TDRP: variants seen among roughly 807,000 people sequenced by gnomAD.
TDRP encodes the protein testis development related protein.
TDRP carries 12 observed loss-of-function variants against 10.5 expected under a neutral mutation model. That is an observed-to-expected ratio of 1.15 (90% CI 0.73 to 1.86). TDRP has a LOEUF of 1.86. Ranked by LOEUF, TDRP falls within the 40% of genes most tolerant of loss-of-function variation. The pLI is 0.00. For missense variants in TDRP, 353 were observed against 229.2 expected (o/e 1.54, Z -3.49); for synonymous variants, 139 against 95.4 (o/e 1.46, Z -2.67).
intron 1 of TDRP, among the ~76,000 whole-genome samples, chr8:520,318 A>T (rs1209733133): frequency 6.6e-6 from 1 of 152,150 alleles, no homozygotes; most frequent in Admixed American, 6.5e-5. Context: ...TATTCCATTG[A>T]ACATATGTAC....
chr8:500,049 T>G (rs548604603), intron 1 of TDRP, among the ~76,000 whole-genome samples: 9 of 152,208 alleles, frequency 5.9e-5, no homozygotes, highest in Non-Finnish European at 1.2e-4. Flanking sequence ...TAGGATTCAA[T>G]TCAGAGAGAA....
chr8:521,246 C>CAAAAA lies in TDRP; in HGVS notation c.108+23399_108+23403dup, dbSNP rs57263869. ...TCAAACCCCGTCTCTACTAAAAATC[C>CAAAAA]AAAAAAAAAAAAAAAAAAAAAATAG... is the stretch of plus-strand genomic sequence containing the variant. On this transcript the variant is annotated intron_variant, in intron 1 of 2. Coordinates refer to ENST00000324079, the MANE Select transcript of TDRP (RefSeq NM_001384899.1). Among the ~76,000 whole-genome samples the CAAAAA allele has an allele frequency of 3.5e-3, 299 of 84,564 alleles. 18 individuals carry two copies. Among genetic ancestry groups the CAAAAA allele is most frequent in the African/African-American group, 0.013 (277 of 21,264 alleles). The allele number at this position is 84,564 out of a possible 152,430, so 55.5% of individuals were successfully genotyped here. A position where few individuals can be genotyped will look rare whatever the true frequency, so the allele number is the denominator to read the frequency against.
intron 1 of TDRP, among the ~76,000 whole-genome samples, chr8:536,003 C>G (rs543187495): frequency 6.6e-6 from 1 of 152,194 alleles, no homozygotes; most frequent in Non-Finnish European, 1.5e-5. Flanking sequence ...TTTAGACATT[C>G]TAAGTCATGC....
chr8:500,485 T>C (rs574364637), intron 1 of TDRP, among the ~76,000 whole-genome samples: 1 of 152,250 alleles, frequency 6.6e-6, no homozygotes, highest in South Asian at 2.1e-4. Context: ...CTGCCAATCT[T>C]CACCTCCTGT....
intron 1 of TDRP, among the ~76,000 whole-genome samples, chr8:518,828 C>T (rs1430644290): frequency 1.3e-5 from 2 of 151,984 alleles, no homozygotes; most frequent in African/African-American, 2.4e-5. Flanking sequence ...GAAATTCATA[C>T]AAATTTATTA....
At chr8:545,003 C>T, upstream of TDRP, 1 of 307,796 alleles carries the variant, frequency 3.2e-6, no homozygotes, top group Non-Finnish European at 5.9e-6. Context: ...TCCAAGCCCT[C>T]CTCAGGACCA....
intron 1 of TDRP, among the ~76,000 whole-genome samples, chr8:542,932 T>C (rs1205451465): frequency 6.6e-6 from 1 of 151,582 alleles, no homozygotes; most frequent in Non-Finnish European, 1.5e-5. Flanking sequence ...ACGAAGGCAC[T>C]GCCAGCAATT....
intron 1 of TDRP, among the ~76,000 whole-genome samples, chr8:518,823 T>C (rs1465514645): frequency 6.6e-6 from 1 of 152,198 alleles, no homozygotes; most frequent in African/African-American, 2.4e-5. Context: ...AATTTGAAAT[T>C]CATACAAATT....
chr8:509,503 A>G (rs1801554190), intron 1 of TDRP, among the ~76,000 whole-genome samples: 1 of 152,170 alleles, frequency 6.6e-6, no homozygotes, highest in South Asian at 2.1e-4. Context: ...GCACACTCTG[A>G]AACAATGGCC....
intron 1 of TDRP, among the ~76,000 whole-genome samples, chr8:528,824 T>C (rs769805036): frequency 2.0e-5 from 3 of 150,664 alleles, no homozygotes; most frequent in South Asian, 2.1e-4. Flanking sequence ...TGTGTATATG[T>C]GTGTATATAT....
chr8:531,952 T>C (rs1467140308), intron 1 of TDRP, among the ~76,000 whole-genome samples: 8 of 152,306 alleles, frequency 5.3e-5, no homozygotes, highest in East Asian at 1.9e-4. Context: ...CCTGCGGTGG[T>C]TGCGTAATAA....
chr8:519,892 G>A (rs1264997993), intron 1 of TDRP, among the ~76,000 whole-genome samples: 2 of 152,196 alleles, frequency 1.3e-5, no homozygotes, highest in Non-Finnish European at 2.9e-5. Flanking sequence ...TGTCTGATCC[G>A]AATCAGCATC....
At chr8:536,738 G>C (rs1802356524) in intron 1 of TDRP, among the ~76,000 whole-genome samples, 1 of 152,090 alleles carries the variant, frequency 6.6e-6, no homozygotes, top group African/African-American at 2.4e-5. Context: ...AAAATGTTTT[G>C]CTATGTTTCA....
chr8:508,150 G>C (rs894709863), intron 1 of TDRP, among the ~76,000 whole-genome samples: 1 of 152,252 alleles, frequency 6.6e-6, no homozygotes, highest in East Asian at 1.9e-4. Context: ...ATCAAAGAGA[G>C]AATGCCAGTA....
intron 1 of TDRP, among the ~76,000 whole-genome samples, chr8:520,474 G>A (rs1356399005): frequency 6.6e-6 from 1 of 152,166 alleles, no homozygotes; most frequent in African/African-American, 2.4e-5. Context: ...GAAGTGGGAT[G>A]GCTGAAACAT....
intron 1 of TDRP, among the ~76,000 whole-genome samples, chr8:531,598 G>GTT (rs1802199751): frequency 6.6e-6 from 1 of 152,194 alleles, no homozygotes; most frequent in African/African-American, 2.4e-5. Flanking sequence ...ATGAAAAGGC[G>GTT]TAAGGATGCC....
chr8:492,686 T>G lies in TDRP; in HGVS notation c.271A>C (p.Asn91His). Residue 91 changes from asparagine to histidine, a missense_variant, in exon 3 of 3, where the codon AAT becomes CAT. Coordinates refer to ENST00000324079, the MANE Select transcript of TDRP (RefSeq NM_001384899.1). ...TGTATATTCTGTTTTAAAACCAAAT[T>G]GTCCCAAAATCCAGATTTCTTCTCT... is the stretch of plus-strand genomic sequence containing the variant. ...KAEKKSGFWD[N>H]LVLKQNIQSK... 1 of 1,613,974 alleles carries G rather than the reference T, an allele frequency of 6.2e-7. No homozygotes were observed. Among genetic ancestry groups the G allele is most frequent in the Middle Eastern group, 1.6e-4 (1 of 6,062 alleles).
At chr8:510,404 C>A (rs1801583803) in intron 1 of TDRP, among the ~76,000 whole-genome samples, 1 of 152,126 alleles carries the variant, frequency 6.6e-6, no homozygotes, top group Admixed American at 6.5e-5. Context: ...AACCTCTGTG[C>A]CAGGAACCAC....
intron 1 of TDRP, among the ~76,000 whole-genome samples, chr8:511,455 C>T (rs1299393517): frequency 6.6e-6 from 1 of 151,734 alleles, no homozygotes; most frequent in Non-Finnish European, 1.5e-5. Flanking sequence ...AGTAACAAGG[C>T]AACAAAATAC....
Sources: gnomAD v4.1 joint callset for allele counts (sites outside exome capture counted in the v4.1 genomes callset) on GRCh38, gnomAD v4.1.1 for gene constraint, MANE v1.5 for transcripts, NCBI Gene and HGNC (gene_info 2026-07-23, HGNC 2026-07-21) for gene names.